The following NKAIN2 variants were observed in gnomAD, a reference collection of about 807,000 sequenced individuals.
NKAIN2 encodes sodium/potassium-transporting ATPase subunit beta-1-interacting protein 2.
NKAIN2 carries 14 observed loss-of-function variants against 32.6 expected under a neutral mutation model. The ratio of observed to expected loss-of-function variants is 0.43; its 90% CI spans 0.28 to 0.67. The LOEUF is 0.67. NKAIN2 is among the 30% of genes least tolerant of loss of function. The pLI is 0.17. For missense variants in NKAIN2, 198 were observed against 258.3 expected, an observed-to-expected ratio of 0.77 and a Z score of 1.60; for synonymous variants, 80 against 87.2, an observed-to-expected ratio of 0.92 and a Z score of 0.46.
In NKAIN2 at chr6:124,308,305, T is replaced by C. The variant is rs1796591610; in HGVS notation, c.192+25163T>C. ...TGGCTTCCAGCTTCATCCATGTCCC[T>C]GAAAAGGACATTAACTCATTCTCTT... On this transcript the variant is annotated intron_variant, in intron 2 of 6. Transcript: ENST00000368417. 2.0e-5 allele frequency among the ~76,000 whole-genome samples: 3 copies of C among 152,272 alleles called. No homozygotes were observed. In the South Asian group the frequency reaches 6.2e-4, roughly 32 times the overall value.
intron 2 of NKAIN2, among the ~76,000 whole-genome samples, chr6:124,310,584 G>A (rs936471142): frequency 6.6e-6 from 1 of 152,034 alleles, no homozygotes; most frequent in Non-Finnish European, 1.5e-5. Flanking sequence ...AGGACGTTAG[G>A]AACCTACAAT....
intron 4 of NKAIN2, among the ~76,000 whole-genome samples, chr6:124,773,824 C>T (rs1455390436): frequency 6.6e-6 from 1 of 152,094 alleles, no homozygotes; most frequent in Non-Finnish European, 1.5e-5. Context: ...CAAAGTAAAA[C>T]TTACTGAAGT....
At chr6:124,397,690 T>A (rs947604451) in intron 3 of NKAIN2, among the ~76,000 whole-genome samples, 1 of 152,132 alleles carries the variant, frequency 6.6e-6, no homozygotes, top group Admixed American at 6.5e-5. Context: ...TGTTTTCTCA[T>A]GGAAATTTGT....
chr6:124,204,148 A>C (rs144719949), intron 1 of NKAIN2, among the ~76,000 whole-genome samples: 6 of 151,982 alleles, frequency 3.9e-5, no homozygotes, highest in Non-Finnish European at 7.4e-5. Context: ...CTCATTTCTG[A>C]TTAAGTAGAA....
chr6:123,805,460 A>T (rs1217567724), intron 1 of NKAIN2, among the ~76,000 whole-genome samples: 1 of 152,174 alleles, frequency 6.6e-6, no homozygotes, highest in Non-Finnish European at 1.5e-5. Context: ...GTGTTGTCTT[A>T]GGATGTTTTT....
intron 2 of NKAIN2, among the ~76,000 whole-genome samples, chr6:124,299,128 C>CA (rs796093347): frequency 5.3e-5 from 8 of 152,298 alleles, no homozygotes; most frequent in African/African-American, 1.7e-4. Flanking sequence ...TACTGCTACT[C>CA]AGAGAATCCA....
intron 2 of NKAIN2, among the ~76,000 whole-genome samples, chr6:124,314,500 C>T (rs1407689717): frequency 6.6e-6 from 1 of 152,064 alleles, no homozygotes; most frequent in African/African-American, 2.4e-5. Flanking sequence ...AGTTAAGATC[C>T]AGGAAAGGGC....
At chr6:124,624,005 A>T (rs562832371) in intron 3 of NKAIN2, among the ~76,000 whole-genome samples, 1 of 150,758 alleles carries the variant, frequency 6.6e-6, no homozygotes, top group East Asian at 1.9e-4. Context: ...GTGATTGGTT[A>T]GCTTGACATC....
At chr6:124,070,478 C>T (rs919641064) in intron 1 of NKAIN2, among the ~76,000 whole-genome samples, 2 of 152,138 alleles carry the variant, frequency 1.3e-5, no homozygotes, top group Non-Finnish European at 2.9e-5. Context: ...AGTATTCCTC[C>T]CACACCTCAT....
chr6:124,170,620 C>A (rs1221445810), intron 1 of NKAIN2, among the ~76,000 whole-genome samples: 1 of 152,116 alleles, frequency 6.6e-6, no homozygotes, highest in Non-Finnish European at 1.5e-5. Flanking sequence ...ATAGTGGCTT[C>A]TTGGATTCCA....
At chr6:124,602,428 G>A (rs1782343099) in intron 3 of NKAIN2, among the ~76,000 whole-genome samples, 1 of 151,866 alleles carries the variant, frequency 6.6e-6, no homozygotes, top group Admixed American at 6.6e-5. Flanking sequence ...TAGTTCTTTT[G>A]AAAATAACTT....
In NKAIN2 at chr6:124,426,821, G is replaced by A. The variant is rs1230996451; in HGVS notation, c.273+71474G>A. On this transcript the variant is annotated intron_variant, in intron 3 of 6. Transcript: ENST00000368417. ...TCTTTCCCATGCCATTCTCATGATA[G>A]TGAGTAAGTCTCACGAGATCTGATG... Among the ~76,000 whole-genome samples, 4 of 152,122 alleles carry A rather than the reference G, an allele frequency of 2.6e-5. No homozygotes were observed. The East Asian group carries it at 5.8e-4, about 22-fold the overall frequency.
intron 2 of NKAIN2, among the ~76,000 whole-genome samples, chr6:124,328,110 C>T (rs1374651776): frequency 6.6e-6 from 1 of 152,062 alleles, no homozygotes; most frequent in Non-Finnish European, 1.5e-5. Flanking sequence ...AAAGAAAGAT[C>T]CAGCTGCAGA....
intron 3 of NKAIN2, among the ~76,000 whole-genome samples, chr6:124,517,489 C>G (rs927676099): frequency 6.6e-6 from 1 of 152,104 alleles, no homozygotes; most frequent in Non-Finnish European, 1.5e-5. Context: ...CCCTCCACCT[C>G]CATCAATGTG....
chr6:124,736,222 T>G (rs1167673074), intron 4 of NKAIN2, among the ~76,000 whole-genome samples: 1 of 151,926 alleles, frequency 6.6e-6, no homozygotes, highest in Non-Finnish European at 1.5e-5. Flanking sequence ...CTCTCTTCAC[T>G]TGTATGAAGG....
At chr6:124,264,031 G>A (rs1276571322) in intron 1 of NKAIN2, among the ~76,000 whole-genome samples, 1 of 152,042 alleles carries the variant, frequency 6.6e-6, no homozygotes, top group Admixed American at 6.6e-5. Flanking sequence ...AATACCCTGT[G>A]GATAAGTCCT....
chr6:123,842,270 C>T (rs556366077), intron 1 of NKAIN2, among the ~76,000 whole-genome samples: 2 of 152,202 alleles, frequency 1.3e-5, no homozygotes, highest in East Asian at 1.9e-4. Context: ...ACAACTGTGG[C>T]AGCTGAGAAA....
chr6:124,573,485 G>A (rs1176116446), intron 3 of NKAIN2, among the ~76,000 whole-genome samples: 3 of 150,500 alleles, frequency 2.0e-5, no homozygotes, highest in Non-Finnish European at 4.4e-5. Flanking sequence ...CTCTTTTTCT[G>A]GGTATTTTAA....
chr6:124,506,561 G>A (rs582940), intron 3 of NKAIN2, among the ~76,000 whole-genome samples: 104,417 of 152,082 alleles, frequency 0.69, 36,024 homozygotes, highest in East Asian at 0.84. Context: ...ATTTAACTCA[G>A]TGATGGCGGC....
Sources: gnomAD v4.1 joint callset for allele counts (sites outside exome capture counted in the v4.1 genomes callset) on GRCh38, gnomAD v4.1.1 for gene constraint, MANE v1.5 for transcripts, NCBI Gene and HGNC (gene_info 2026-07-23, HGNC 2026-07-21) for gene names.